The following ANKS3 variants were observed in gnomAD, a reference collection of about 807,000 sequenced individuals.
The protein encoded by ANKS3 is ankyrin repeat and sterile alpha motif domain containing 3.
A neutral mutation model predicts 80.7 loss-of-function variants in ANKS3; 62 were observed. That is an observed-to-expected ratio of 0.77 (90% confidence interval 0.63 to 0.95). The LOEUF is 0.95. Ranked by LOEUF, ANKS3 falls within the 40% of genes least tolerant of loss-of-function variation. The probability of loss-of-function intolerance (pLI) is 0.00; values close to 1 mark genes in which losing one functional copy is unlikely to be tolerated. For synonymous variants in ANKS3, 489 were observed against 355.3 expected, an observed-to-expected ratio of 1.38 and a Z score of -4.23; for missense variants, 1,150 against 883.6, an observed-to-expected ratio of 1.30 and a Z score of -3.82.
At chr16:4,730,744 C>T (rs1171558375) in intron 2 of ANKS3, among the ~76,000 whole-genome samples, 2 of 151,948 alleles carry the variant, frequency 1.3e-5, no homozygotes, top group Non-Finnish European at 2.9e-5. Context: ...GCCAGCTACT[C>T]GGGAGGCTGA....
chr16:4,721,102 G>A (rs865957819), intron 6 of ANKS3, among the ~76,000 whole-genome samples: 1 of 148,876 alleles, frequency 6.7e-6, no homozygotes, highest in African/African-American at 2.5e-5. Context: ...TCAGGAGATC[G>A]AGACCATCCT....
intron 2 of ANKS3, among the ~76,000 whole-genome samples, chr16:4,730,797 A>C (rs1471901126): frequency 6.6e-6 from 1 of 152,094 alleles, no homozygotes; most frequent in Non-Finnish European, 1.5e-5. Context: ...GGTTGCGGTG[A>C]GCCAAGATCA....
intron 8 of ANKS3, 126 bp downstream of exon 8, chr16:4,704,969 C>T: frequency 2.3e-6 from 3 of 1,293,284 alleles, no homozygotes; most frequent in Non-Finnish European, 3.2e-6. Context: ...AGCTGGGCCA[C>T]CTGTCCCGCT....
chr16:4,715,578 A>G (rs1339848013), intron 6 of ANKS3, among the ~76,000 whole-genome samples: 1 of 152,252 alleles, frequency 6.6e-6, no homozygotes, highest in East Asian at 1.9e-4. Context: ...CCTGGGCAAT[A>G]GAGCGAGACC....
chr16:4,698,457 CG>C lies in ANKS3; in HGVS notation c.1693del (p.Arg565GlyfsTer21). The C allele has an allele frequency of 6.5e-7, 1 of 1,539,806 alleles. No homozygotes were observed. ...ARLRETWALA[R>X]DAALVLDQLR... is the part of the protein sequence containing the mutation. ...CTGGTCCAGGACGAGGGCAGCATCC[CG>C]GGCCAGGGCCCACGTCTCCCGCAGC... On this transcript the variant is annotated frameshift_variant, in exon 14 of 18. Coordinates refer to ENST00000304283, the MANE Select transcript of ANKS3 (RefSeq NM_133450.4). LOFTEE classifies it high-confidence loss of function.
chr16:4,697,413 G>C lies in ANKS3; in HGVS notation c.1814C>G (p.Ser605Cys), dbSNP rs889330478. ...CTGCAGGGACGCTTGCCAGCCCTTG[G>C]AGTCTGTGGTGCAGGTGCAGGGACC... ...TLGLAVPPADSKGWQASLQAM... is the reference protein window; with the variant it reads ...TLGLAVPPADCKGWQASLQAM... The change falls in exon 16 of 18, where the codon TCC (serine) becomes TGC (cysteine). Residue 605 changes from serine (S) to cysteine (C), a missense_variant. By Grantham distance (112) the Ser-to-Cys change is moderately radical (BLOSUM62 -1). Transcript: ENST00000304283. The C allele has an allele frequency of 1.2e-6, 2 of 1,604,224 alleles. No individual in the cohort carries two copies. The highest frequency in any genetic ancestry group is 1.7e-5 in the Admixed American group (1 of 59,284).
chr16:4,696,790 CTCTGGCCCCCACTGGGCCTGGGCT>C lies in ANKS3; in HGVS notation c.*94_*117del. The C allele has an allele frequency of 1.7e-6, 1 of 585,210 alleles. No homozygotes were observed. The highest frequency in any genetic ancestry group is 3.0e-6 in the Non-Finnish European group (1 of 328,204). 36.3% of individuals were successfully genotyped at this position (585,210 alleles called of 1,614,324 possible). ...TGCCGGCTGCTCCCGGGGCCTGATC[CTCTGGCCCCCACTGGGCCTGGGCT>C]GCACATGGCAGCTACCTGCTCACTG... On this transcript the variant is annotated 3_prime_UTR_variant, in exon 18 of 18. Coordinates refer to ENST00000304283, the MANE Select transcript of ANKS3 (RefSeq NM_133450.4).
At chr16:4,699,945 G>A (rs1345933420) in intron 11 of ANKS3, 1 of 152,354 alleles carries the variant, frequency 6.6e-6, no homozygotes, top group East Asian at 1.9e-4. Context: ...TTTTCTTCAA[G>A]CTATTTTCTG....
intron 8 of ANKS3, 61 bp from the exon 9 acceptor site, chr16:4,702,303 C>A: frequency 7.1e-7 from 1 of 1,399,812 alleles, no homozygotes; most frequent in African/African-American, 1.5e-5. Flanking sequence ...CCTCAGAGGC[C>A]GAGGCCCAGG....
At chr16:4,700,800 G>A (rs993972094) in intron 11 of ANKS3, 170 bp downstream of exon 11, 4 of 900,858 alleles carry the variant, frequency 4.4e-6, no homozygotes, top group Non-Finnish European at 7.4e-6. Context: ...CAGCGGGGCT[G>A]CCAGCCATGG....
chr16:4,732,167 GCCA>G (rs993407020), intron 1 of ANKS3, among the ~76,000 whole-genome samples: 2 of 152,078 alleles, frequency 1.3e-5, no homozygotes, highest in Admixed American at 1.3e-4. Flanking sequence ...CCTTCCTGGA[GCCA>G]CCACCTCTTC....
At chr16:4,730,300 G>T in intron 2 of ANKS3, 149 bp from the exon 3 acceptor site, 1 of 696,822 alleles carries the variant, frequency 1.4e-6, no homozygotes, top group African/African-American at 1.9e-5. Flanking sequence ...AAATTTATTT[G>T]CTGAAATAAT....
intron 7 of ANKS3, among the ~76,000 whole-genome samples, chr16:4,706,952 G>A (rs539442954): frequency 1.0e-3 from 156 of 152,296 alleles, no homozygotes; most frequent in African/African-American, 3.6e-3. Flanking sequence ...GGCCCTGAAC[G>A]TGGGCCACTC....
At position 4,697,347 on chromosome 16, in the gene ANKS3, C is replaced by G; in HGVS notation, c.1880G>C (p.Arg627Pro). The change falls in exon 16 of 18, where the codon CGT becomes CCT. Residue 627 changes from arginine (R) to proline (P), a missense_variant. Transcript: ENST00000304283. ...LPELSGALED[R>P]VREMGQALCL... ...CGGAGACTCACCCATCTCACGGACACGGTCCTCCAGGGCTCCCGAGAGCTC... is the reference window on the plus strand; with the variant it reads ...CGGAGACTCACCCATCTCACGGACAGGGTCCTCCAGGGCTCCCGAGAGCTC... 1 of 1,607,430 alleles carries G rather than the reference C, an allele frequency of 6.2e-7. No individual in the cohort carries two copies. The highest frequency in any genetic ancestry group is 8.5e-7 in the Non-Finnish European group (1 of 1,176,200).
chr16:4,700,857 C>T (rs571615295), intron 11 of ANKS3, 113 bp downstream of exon 11: 19 of 1,396,480 alleles, frequency 1.4e-5, no homozygotes, highest in Admixed American at 6.7e-5. Flanking sequence ...GGGATGCCAC[C>T]GCCATTCTGT....
rs747928992 is a variant in ANKS3, at chr16:4,730,103, C to A, written c.47G>T (p.Arg16Leu). 3 of 1,592,966 alleles carry A rather than the reference C, an allele frequency of 1.9e-6. No homozygotes were observed. Among genetic ancestry groups the A allele is most frequent in the South Asian group, 2.3e-5 (2 of 88,658 alleles). ...GAGCCCGTGCCACATGGACAAGCTG[C>A]GGTTCAGGAGTTCCGGCTCGCTGGC... ...DEASEPELLN[R>L]SLSMWHGLGT... The change falls in exon 3 of 18, where the codon CGC becomes CTC. Residue 16 changes from arginine (R) to leucine (L), a missense_variant. Coordinates refer to ENST00000304283, the MANE Select transcript of ANKS3 (RefSeq NM_133450.4).
chr16:4,720,151 G>C (rs1341664249), intron 6 of ANKS3, among the ~76,000 whole-genome samples: 1 of 83,552 alleles, frequency 1.2e-5, no homozygotes, highest in African/African-American at 4.7e-5. Context: ...GACAGAGCAA[G>C]ACCCCACCCC....
intron 7 of ANKS3, 182 bp downstream of exon 7, chr16:4,713,869 C>T: frequency 1.2e-6 from 1 of 841,938 alleles, no homozygotes; most frequent in African/African-American, 1.7e-5. Context: ...TCCATCGTAA[C>T]CATCCTTATC....
intron 6 of ANKS3, among the ~76,000 whole-genome samples, chr16:4,722,017 G>C (rs1257617096): frequency 2.0e-5 from 3 of 151,254 alleles, no homozygotes; most frequent in African/African-American, 7.3e-5. Flanking sequence ...CTGCACATGG[G>C]GCAGGACCAT....
Sources: gnomAD v4.1 joint callset for allele counts (sites outside exome capture counted in the v4.1 genomes callset) on GRCh38, gnomAD v4.1.1 for gene constraint, MANE v1.5 for transcripts, NCBI Gene and HGNC (gene_info 2026-07-23, HGNC 2026-07-21) for gene names.